TNFRSF21: variants seen among roughly 807,000 people sequenced by gnomAD.
TNFRSF21 encodes the protein tumor necrosis factor receptor superfamily member 21.
In TNFRSF21, 19 loss-of-function variants were observed where a neutral mutation model predicts 45.6. The observed-to-expected ratio is 0.42, with a 90% confidence interval of 0.29 to 0.61. The LOEUF (loss-of-function observed/expected upper bound fraction) is 0.61, where lower values mean the gene tolerates loss of function less well. TNFRSF21 is among the 20% of genes least tolerant of loss of function. The probability of loss-of-function intolerance (pLI) is 0.23; values close to 1 mark genes in which losing one functional copy is unlikely to be tolerated. For synonymous variants in TNFRSF21, 314 were observed against 335.5 expected (o/e 0.94, Z 0.70); for missense variants, 737 against 851.5 (o/e 0.87, Z 1.67).
intron 2 of TNFRSF21, among the ~76,000 whole-genome samples, chr6:47,284,839 A>T (rs946239660): frequency 2.0e-5 from 3 of 152,236 alleles, no homozygotes; most frequent in Non-Finnish European, 2.9e-5. Flanking sequence ...TGACTATTTT[A>T]TGATGCAGTG....
intron 3 of TNFRSF21, among the ~76,000 whole-genome samples, chr6:47,270,933 T>A (rs921393531): frequency 1.3e-5 from 2 of 152,066 alleles, no homozygotes; most frequent in Non-Finnish European, 2.9e-5. Context: ...GAAGATCAAA[T>A]TAATGAAATA....
chr6:47,263,460 G>A (rs1762268472), intron 3 of TNFRSF21, among the ~76,000 whole-genome samples: 1 of 152,116 alleles, frequency 6.6e-6, no homozygotes, highest in Admixed American at 6.5e-5. Flanking sequence ...GAAAAGAGGT[G>A]CAAGCACTGA....
intron 3 of TNFRSF21, among the ~76,000 whole-genome samples, chr6:47,259,939 C>T (rs544178147): frequency 1.3e-5 from 2 of 152,178 alleles, no homozygotes; most frequent in Non-Finnish European, 2.9e-5. Flanking sequence ...CAAGTGGCAA[C>T]CTCTCAGATT....
intron 4 of TNFRSF21, among the ~76,000 whole-genome samples, chr6:47,247,077 G>A (rs1764835056): frequency 1.3e-5 from 2 of 152,200 alleles, no homozygotes; most frequent in Non-Finnish European, 2.9e-5. Flanking sequence ...ACAAAAGGTT[G>A]TCAACTAACT....
At chr6:47,285,386 T>G (rs1762630740) in intron 2 of TNFRSF21, among the ~76,000 whole-genome samples, 1 of 152,150 alleles carries the variant, frequency 6.6e-6, no homozygotes, top group Non-Finnish European at 1.5e-5. Context: ...CAGACATGAG[T>G]GCTAGTTACC....
At chr6:47,270,537 T>C (rs1017646259) in intron 3 of TNFRSF21, among the ~76,000 whole-genome samples, 2 of 152,066 alleles carry the variant, frequency 1.3e-5, no homozygotes, top group Non-Finnish European at 2.9e-5. Flanking sequence ...CAAAGGTAGA[T>C]AAAACCACAA....
rs567725714 is a variant in TNFRSF21 at position 47,232,148 on chromosome 6, T to G, written c.*617A>C. On this transcript the variant is annotated 3_prime_UTR_variant, in exon 6 of 6. Coordinates refer to ENST00000296861, the MANE Select transcript of TNFRSF21 (RefSeq NM_014452.5). ...AAGTTTCAGCCATGAATATGAACTA[T>G]ACAAGACATATTTAAAAGATAACTC... The G allele has an allele frequency of 6.5e-6, 1 of 152,760 alleles. No individual in the cohort carries two copies. Among genetic ancestry groups the G allele is most frequent in the Admixed American group, 6.5e-5 (1 of 15,308 alleles). 9.5% of individuals were successfully genotyped at this position (152,760 alleles called of 1,614,324 possible).
intron 1 of TNFRSF21, among the ~76,000 whole-genome samples, chr6:47,288,106 G>A (rs959858518): frequency 4.7e-4 from 71 of 152,330 alleles, no homozygotes; most frequent in Middle Eastern, 6.8e-3. Flanking sequence ...ATGCAACAAC[G>A]CTTATAGCAA....
At chr6:47,287,548 A>C (rs368074953) in intron 1 of TNFRSF21, among the ~76,000 whole-genome samples, 53 of 149,926 alleles carry the variant, frequency 3.5e-4, no homozygotes, top group South Asian at 4.2e-4. Context: ...TACTTTGTTT[A>C]GCTTAGTTCT....
chr6:47,239,217 C>T (rs1369346128), intron 4 of TNFRSF21, among the ~76,000 whole-genome samples: 12 of 130,384 alleles, frequency 9.2e-5, no homozygotes, highest in Admixed American at 4.8e-4. Flanking sequence ...ACTGGGGAGG[C>T]GGAGGTTGCA....
chr6:47,277,139 G>A (rs1484784415), intron 3 of TNFRSF21, among the ~76,000 whole-genome samples: 4 of 152,076 alleles, frequency 2.6e-5, no homozygotes, highest in East Asian at 1.9e-4. Flanking sequence ...GATTACAGGC[G>A]CCCGCCACCA....
In TNFRSF21 at chr6:47,245,522, T is replaced by A. The variant is rs536457244; in HGVS notation, c.1509+7734A>T. Among the ~76,000 whole-genome samples, 3 of 152,054 alleles carry A rather than the reference T, an allele frequency of 2.0e-5. No individual in the cohort carries two copies. In the East Asian group the frequency reaches 5.8e-4, roughly 29 times the overall value. On this transcript the variant is annotated intron_variant, in intron 4 of 5. Transcript: ENST00000296861. ...TTAATATAAAGACCCCAAGAATCTG[T>A]TTCCTAGACTTTTCTCCTTACGATC...
At chr6:47,252,550 C>T (rs1266547259) in intron 4 of TNFRSF21, among the ~76,000 whole-genome samples, 2 of 152,214 alleles carry the variant, frequency 1.3e-5, no homozygotes, top group African/African-American at 4.8e-5. Flanking sequence ...CTTTATTTCT[C>T]ATCTTAATCT....
At position 47,232,913 on chromosome 6, in the gene TNFRSF21, A is replaced by G; in HGVS notation, c.1820T>C (p.Leu607Pro). ...AATCACCCGCAGCTCCTCAGGATTT[A>G]GAAAGTGGAGCATGTCATCAAAGAT... ...QPIFDDMLHF[L>P]NPEELRVIEE... The change falls in exon 6 of 6, where the codon CTA becomes CCA. Residue 607 changes from leucine (L) to proline (P), a missense_variant. Transcript: ENST00000296861. 1 of 1,614,118 alleles carries G rather than the reference A, an allele frequency of 6.2e-7. No individual in the cohort carries two copies. The highest frequency in any genetic ancestry group is 8.5e-7 in the Non-Finnish European group (1 of 1,180,010).
chr6:47,283,897 TAG>T, intron 3 of TNFRSF21, 39 bp downstream of exon 3: 1 of 1,580,288 alleles, frequency 6.3e-7, no homozygotes. Flanking sequence ...GAAAAAGTGG[TAG>T]AGAGATCTGT....
intron 3 of TNFRSF21, among the ~76,000 whole-genome samples, chr6:47,281,593 C>T (rs773339764): frequency 5.3e-5 from 8 of 152,062 alleles, no homozygotes; most frequent in Non-Finnish European, 7.4e-5. Flanking sequence ...GTTGGCCAGG[C>T]GGGTCTCAAA....
chr6:47,274,155 C>CA (rs1176530169), intron 3 of TNFRSF21, among the ~76,000 whole-genome samples: 1 of 151,834 alleles, frequency 6.6e-6, no homozygotes, highest in African/African-American at 2.4e-5. Context: ...CATATGGGAC[C>CA]AAAAAAAGGG....
At chr6:47,283,220 C>A (rs1041222560) in intron 3 of TNFRSF21, among the ~76,000 whole-genome samples, 1 of 152,128 alleles carries the variant, frequency 6.6e-6, no homozygotes, top group African/African-American at 2.4e-5. Context: ...GGGACAAGTT[C>A]TATAAGCTAT....
At chr6:47,286,664 A>G in intron 1 of TNFRSF21, 69 bp from the exon 2 acceptor site, 2 of 1,485,408 alleles carry the variant, frequency 1.3e-6, no homozygotes, top group Non-Finnish European at 1.8e-6. Flanking sequence ...CAGAGCAGAA[A>G]AAGGGCCAAC....
Sources: gnomAD v4.1 joint callset for allele counts (sites outside exome capture counted in the v4.1 genomes callset) on GRCh38, gnomAD v4.1.1 for gene constraint, MANE v1.5 for transcripts, NCBI Gene and HGNC (gene_info 2026-07-23, HGNC 2026-07-21) for gene names.